RAP1GAP2: variants seen among roughly 807,000 people sequenced by gnomAD.
RAP1GAP2 encodes the protein RAP1 GTPase activating protein 2, also known as rap1 GTPase-activating protein 2.
A neutral mutation model predicts 95.0 loss-of-function variants in RAP1GAP2; 27 were observed. The ratio of observed to expected loss-of-function variants is 0.28; its 90% confidence interval spans 0.21 to 0.39. The LOEUF (loss-of-function observed/expected upper bound fraction) is 0.39. Among genes scored for constraint, RAP1GAP2 ranks in the 10% least tolerant of loss-of-function variants. RAP1GAP2 has a pLI of 1.00. For missense variants in RAP1GAP2, 771 were observed against 970.0 expected, an observed-to-expected ratio of 0.79 and a Z score of 2.72; for synonymous variants, 373 against 380.9, an observed-to-expected ratio of 0.98 and a Z score of 0.24.
At chr17:3,010,034 A>G (rs1182465963) in intron 17 of RAP1GAP2, among the ~76,000 whole-genome samples, 3 of 152,064 alleles carry the variant, frequency 2.0e-5, no homozygotes, top group Non-Finnish European at 4.4e-5. Context: ...CAGTAAATGT[A>G]ATTTATGCAG....
intron 2 of RAP1GAP2, among the ~76,000 whole-genome samples, chr17:2,862,772 C>A (rs946295977): frequency 1.3e-5 from 2 of 152,018 alleles, no homozygotes; most frequent in Non-Finnish European, 2.9e-5. Flanking sequence ...CCAAGGCGGG[C>A]GGATCACTCA....
At position 2,813,175 on chromosome 17, in the gene RAP1GAP2, G is replaced by A. The variant is rs756668678; in HGVS notation, c.80+12625G>A. Among the ~76,000 whole-genome samples, 4 of 151,462 alleles carry A rather than the reference G, an allele frequency of 2.6e-5. No homozygotes were observed. The South Asian group carries it at 6.3e-4, about 24-fold the overall frequency. On this transcript the variant is annotated intron_variant, in intron 2 of 24. Coordinates refer to ENST00000254695, the MANE Select transcript of RAP1GAP2 (RefSeq NM_015085.5). ...CAACCTCCGCCTCCCAGGTTCAAGC[G>A]ATTTCTCCTGCCTCCGTCTCCTGAG... is the stretch of plus-strand genomic sequence containing the variant.
chr17:2,850,551 A>G (rs2071793828), intron 2 of RAP1GAP2, among the ~76,000 whole-genome samples: 1 of 150,134 alleles, frequency 6.7e-6, no homozygotes, highest in Non-Finnish European at 1.5e-5. Flanking sequence ...GATCGAGACC[A>G]TCCTGGCTAA....
In RAP1GAP2 at chr17:3,017,057, A is replaced by AG. The variant is rs555848371; in HGVS notation, c.1495-999dup. ...TTTGGAGCCAGAGAGAGCATCATCC[A>AG]GGGGGCAGCCAGAGTCCCCTGGGAC... On this transcript the variant is annotated intron_variant, in intron 17 of 24. Coordinates refer to ENST00000254695, the MANE Select transcript of RAP1GAP2 (RefSeq NM_015085.5). 3.7e-4 allele frequency among the ~76,000 whole-genome samples: 57 copies of AG among 152,266 alleles called. 2 individuals are homozygous for AG. In the South Asian group the frequency reaches 0.011, roughly 29 times the overall value.
chr17:2,883,479 T>G (rs2073377575), intron 2 of RAP1GAP2, among the ~76,000 whole-genome samples: 1 of 152,200 alleles, frequency 6.6e-6, no homozygotes, highest in Non-Finnish European at 1.5e-5. Context: ...GATTTTGGCC[T>G]TGATGGAGAG....
At position 2,891,814 on chromosome 17, in the gene RAP1GAP2, C is replaced by CTTTTTTTTTTTT. The variant is rs917540694; in HGVS notation, c.81-13455_81-13444dup. 2.1e-3 allele frequency among the ~76,000 whole-genome samples: 116 copies of CTTTTTTTTTTTT among 54,278 alleles called. 4 individuals carry two copies. Among genetic ancestry groups the CTTTTTTTTTTTT allele is most frequent in the South Asian group, 2.6e-3 (4 of 1,522 alleles). The allele number at this position is 54,278 out of a possible 152,430, so 35.6% of individuals were successfully genotyped here. A position where few individuals can be genotyped will look rare whatever the true frequency, so the allele number is the denominator to read the frequency against. ...TGATATGCAGATTCATATTTCTTTT[C>CTTTTTTTTTTTT]TTTTTTTTTTTTTTTTTTTTTTTTT... On this transcript the variant is annotated intron_variant, in intron 2 of 24. Transcript: ENST00000254695.
chr17:2,864,884 A>G (rs1304902382), intron 2 of RAP1GAP2, among the ~76,000 whole-genome samples: 1 of 152,102 alleles, frequency 6.6e-6, no homozygotes, highest in Non-Finnish European at 1.5e-5. Flanking sequence ...CAGTACAGAA[A>G]CTCAGGAATA....
At chr17:2,766,363 A>G (rs146380996) in intron 1 of RAP1GAP2, among the ~76,000 whole-genome samples, 144 of 152,140 alleles carry the variant, frequency 9.5e-4, no homozygotes, top group African/African-American at 3.3e-3. Flanking sequence ...CCACATCCAG[A>G]CGCACTGGCT....
At chr17:2,864,137 C>T (rs900164245) in intron 2 of RAP1GAP2, among the ~76,000 whole-genome samples, 4 of 151,610 alleles carry the variant, frequency 2.6e-5, no homozygotes, top group Admixed American at 1.3e-4. Context: ...ATCCTGACTG[C>T]GGAGAGTGCA....
chr17:2,764,122 G>A (rs886896344), intron 1 of RAP1GAP2, among the ~76,000 whole-genome samples: 3 of 152,036 alleles, frequency 2.0e-5, no homozygotes, highest in Admixed American at 6.6e-5. Context: ...AAAAAAAAAG[G>A]TATTTACCTT....
chr17:2,920,679 G>T lies in RAP1GAP2; in HGVS notation c.165+15311G>T, dbSNP rs141564953. 4.6e-5 allele frequency among the ~76,000 whole-genome samples: 7 copies of T among 152,366 alleles called. No individual in the cohort carries two copies. In the East Asian group the frequency reaches 1.2e-3, roughly 25 times the overall value. On this transcript the variant is annotated intron_variant, in intron 3 of 24. Coordinates refer to ENST00000254695, the MANE Select transcript of RAP1GAP2 (RefSeq NM_015085.5). Reference sequence around the variant, plus strand: ...CAGGCGGACGAGGGCTTCGTCAAGTGCCAGGCTTCTGCAGGTGTCGAATAT... The same window carrying T: ...CAGGCGGACGAGGGCTTCGTCAAGTTCCAGGCTTCTGCAGGTGTCGAATAT...
chr17:2,937,711 T>C (rs1597660874), intron 3 of RAP1GAP2, among the ~76,000 whole-genome samples: 3 of 152,160 alleles, frequency 2.0e-5, no homozygotes, highest in Admixed American at 2.0e-4. Context: ...GGAAGGAACA[T>C]TGCCAGGCCT....
intron 1 of RAP1GAP2, among the ~76,000 whole-genome samples, chr17:2,770,140 C>T (rs2068361967): frequency 6.6e-6 from 1 of 151,484 alleles, no homozygotes; most frequent in Admixed American, 6.6e-5. Context: ...GAAATCTGAT[C>T]CTTCTAGCTG....
chr17:2,868,003 A>G (rs1383957577), intron 2 of RAP1GAP2, among the ~76,000 whole-genome samples: 1 of 152,130 alleles, frequency 6.6e-6, no homozygotes, highest in Admixed American at 6.6e-5. Context: ...CTGAACATCA[A>G]AGCATTCAGC....
chr17:2,898,650 C>G (rs1597552887), intron 2 of RAP1GAP2, among the ~76,000 whole-genome samples: 2 of 152,246 alleles, frequency 1.3e-5, no homozygotes, highest in East Asian at 3.9e-4. Context: ...GTGCCCAGAT[C>G]TGAAGATGTC....
chr17:3,015,002 T>C (rs2046708701), intron 17 of RAP1GAP2, among the ~76,000 whole-genome samples: 1 of 152,120 alleles, frequency 6.6e-6, no homozygotes, highest in Non-Finnish European at 1.5e-5. Context: ...GAAGAACCTG[T>C]CTCTATTTAT....
At chr17:2,943,960 C>T (rs961071941) in intron 3 of RAP1GAP2, among the ~76,000 whole-genome samples, 9 of 152,022 alleles carry the variant, frequency 5.9e-5, no homozygotes, top group South Asian at 2.1e-4. Context: ...CCATCCTGGC[C>T]AACATGGTGA....
At chr17:2,948,403 G>C (rs1018113808) in intron 3 of RAP1GAP2, among the ~76,000 whole-genome samples, 2 of 152,252 alleles carry the variant, frequency 1.3e-5, no homozygotes, top group Non-Finnish European at 2.9e-5. Context: ...GAGGAGAGAG[G>C]CAAGAGTGTT....
At chr17:2,807,597 G>A (rs988769955) in intron 2 of RAP1GAP2, among the ~76,000 whole-genome samples, 1 of 152,212 alleles carries the variant, frequency 6.6e-6, no homozygotes, top group Admixed American at 6.5e-5. Flanking sequence ...GTCTCCAGGG[G>A]TGCGTAAGGT....
Sources: allele counts gnomAD v4.1 joint callset (sites outside exome capture counted in the v4.1 genomes callset), GRCh38; gene constraint gnomAD v4.1.1; transcripts MANE v1.5; gene names NCBI Gene and HGNC (gene_info 2026-07-23, HGNC 2026-07-21).